MCM9: variants seen among roughly 807,000 people sequenced by gnomAD.
MCM9 encodes the protein minichromosome maintenance 9 homologous recombination repair factor.
Under a neutral mutation model 72.8 loss-of-function variants are expected in MCM9, and 55 were observed. The ratio of observed to expected loss-of-function variants is 0.76; its 90% CI spans 0.61 to 0.95. The LOEUF is 0.95. Among genes scored for constraint, MCM9 ranks in the 40% least tolerant of loss-of-function variants. The pLI is 0.00. For missense variants in MCM9, 1,279 were observed against 1,377.0 expected (o/e 0.93, Z 1.13); for synonymous variants, 480 against 503.4 (o/e 0.95, Z 0.62).
chr6:118,824,708 T>G (rs1271803298), intron 13 of MCM9, among the ~76,000 whole-genome samples: 1 of 152,204 alleles, frequency 6.6e-6, no homozygotes, highest in African/African-American at 2.4e-5. Context: ...AATGGTTTCA[T>G]TATAATTATC....
rs144070929 is a variant in MCM9 at position 118,897,651 on chromosome 6, A to G, written c.1150+13999T>C. Among the ~76,000 whole-genome samples, 360 of 152,246 alleles carry G rather than the reference A, an allele frequency of 2.4e-3. 2 individuals are homozygous for G. The highest frequency in any genetic ancestry group is 8.2e-3 in the African/African-American group (340 of 41,544). On this transcript the variant is annotated intron_variant, in intron 8 of 13. Transcript: ENST00000619706. The stretch of plus-strand genomic sequence containing the variant: ...CCTCATTCACTCACTCTTTCACCAC[A>G]AATGTAAATACTTTCAGGCTGGGTA...
intron 8 of MCM9, among the ~76,000 whole-genome samples, chr6:118,880,401 T>C (rs554515773): frequency 2.0e-5 from 3 of 152,308 alleles, no homozygotes; most frequent in East Asian, 1.9e-4. Context: ...CTTGTCAGGA[T>C]AGTATAAAAA....
At chr6:118,832,052 C>T (rs144253769) in intron 9 of MCM9, among the ~76,000 whole-genome samples, 3,550 of 152,202 alleles carry the variant, frequency 0.023, 68 homozygotes, top group African/African-American at 0.056. Context: ...TCGGCATCAA[C>T]TTATTTGCCT....
At chr6:118,819,436 A>G (rs778266349) in intron 13 of MCM9, among the ~76,000 whole-genome samples, 1 of 152,196 alleles carries the variant, frequency 6.6e-6, no homozygotes, top group Non-Finnish European at 1.5e-5. Flanking sequence ...TGATTTGTGT[A>G]TGTTGAACCA....
intron 8 of MCM9, among the ~76,000 whole-genome samples, chr6:118,857,500 G>A (rs1223673939): frequency 6.6e-6 from 1 of 151,860 alleles, no homozygotes; most frequent in South Asian, 2.1e-4. Flanking sequence ...ACAATAGAAA[G>A]TATCTTAGAG....
At chr6:118,869,148 A>G (rs746444597) in intron 8 of MCM9, among the ~76,000 whole-genome samples, 8 of 152,192 alleles carry the variant, frequency 5.3e-5, no homozygotes, top group Non-Finnish European at 1.0e-4. Flanking sequence ...TTCTCAGCAA[A>G]CTATCAGAAG....
intron 8 of MCM9, among the ~76,000 whole-genome samples, chr6:118,910,064 C>A (rs931771633): frequency 7.0e-6 from 1 of 143,440 alleles, no homozygotes; most frequent in Non-Finnish European, 1.5e-5. Flanking sequence ...TTGCAGTGAG[C>A]TGAGATTGCA....
At chr6:118,817,461 T>C (rs388987) in intron 13 of MCM9, among the ~76,000 whole-genome samples, 8,300 of 152,208 alleles carry the variant, frequency 0.055, 330 homozygotes, top group East Asian at 0.19. Context: ...CTGCAAAGGA[T>C]ATGAACTCAT....
intron 8 of MCM9, among the ~76,000 whole-genome samples, chr6:118,909,409 ACT>A (rs1165857022): frequency 3.3e-5 from 5 of 152,178 alleles, no homozygotes; most frequent in African/African-American, 9.6e-5. Flanking sequence ...AAATTTTATC[ACT>A]CTAAGAATTT....
chr6:118,843,684 A>ATGTATGTGTGTG (rs1775627941), intron 9 of MCM9, among the ~76,000 whole-genome samples: 1 of 72,732 alleles, frequency 1.4e-5, no homozygotes, highest in African/African-American at 5.0e-5. Context: ...GTATATATAT[A>ATGTATGTGTGTG]TGTGTATATA....
At chr6:118,823,980 A>C (rs1278932750) in intron 13 of MCM9, among the ~76,000 whole-genome samples, 1 of 150,200 alleles carries the variant, frequency 6.7e-6, no homozygotes, top group Non-Finnish European at 1.5e-5. Context: ...TATTGTAAAC[A>C]TATTGGGTTA....
intron 8 of MCM9, among the ~76,000 whole-genome samples, chr6:118,890,680 C>T (rs1778885630): frequency 6.6e-6 from 1 of 152,132 alleles, no homozygotes; most frequent in East Asian, 1.9e-4. Context: ...GTACAATTTA[C>T]TCCATTTAGA....
chr6:118,848,076 G>A (rs530493558), intron 9 of MCM9, among the ~76,000 whole-genome samples: 1 of 151,934 alleles, frequency 6.6e-6, no homozygotes, highest in Admixed American at 6.5e-5. Flanking sequence ...TCAACCAAGA[G>A]ATGATGATGA....
chr6:118,880,962 T>C (rs971983035), intron 8 of MCM9, among the ~76,000 whole-genome samples: 2 of 152,164 alleles, frequency 1.3e-5, no homozygotes, highest in African/African-American at 2.4e-5. Flanking sequence ...TTCCTACACA[T>C]ACAAACCTAA....
intron 8 of MCM9, chr6:118,894,029 T>G: frequency 1.0e-6 from 1 of 992,166 alleles, no homozygotes; most frequent in Non-Finnish European, 1.2e-6. Context: ...CCACTCACTT[T>G]GTTCTCCGCC....
intron 9 of MCM9, among the ~76,000 whole-genome samples, chr6:118,833,570 C>T (rs1365350929): frequency 6.6e-6 from 1 of 152,100 alleles, no homozygotes; most frequent in Non-Finnish European, 1.5e-5. Context: ...AAAACGCGGT[C>T]TATACACACA....
At chr6:118,933,437 C>T (rs1300202746) in intron 1 of MCM9, among the ~76,000 whole-genome samples, 6 of 150,830 alleles carry the variant, frequency 4.0e-5, no homozygotes, top group Non-Finnish European at 5.9e-5. Context: ...ACCCGGGAGG[C>T]GGAGCTTGCA....
chr6:118,892,937 T>C (rs563738667), intron 8 of MCM9, among the ~76,000 whole-genome samples: 2 of 152,150 alleles, frequency 1.3e-5, no homozygotes, highest in Non-Finnish European at 2.9e-5. Flanking sequence ...GACCAAAGAA[T>C]GACAAATCAA....
intron 8 of MCM9, among the ~76,000 whole-genome samples, chr6:118,892,652 A>T (rs927269449): frequency 1.1e-4 from 17 of 152,228 alleles, no homozygotes; most frequent in African/African-American, 4.1e-4. Flanking sequence ...ATAAGAATGA[A>T]GAGTATGTTG....
Sources: gnomAD v4.1 joint callset for allele counts (sites outside exome capture counted in the v4.1 genomes callset) on GRCh38, gnomAD v4.1.1 for gene constraint, MANE v1.5 for transcripts, NCBI Gene and HGNC (gene_info 2026-07-23, HGNC 2026-07-21) for gene names.